EMCN: variants seen among roughly 807,000 people sequenced by gnomAD.
EMCN encodes the protein MUC-14.
EMCN carries 37 observed loss-of-function variants against 38.4 expected under a neutral mutation model. The ratio of observed to expected loss-of-function variants is 0.96; its 90% CI spans 0.74 to 1.27. EMCN has a LOEUF of 1.27. Among genes scored for constraint, EMCN ranks in the 50% most tolerant of loss-of-function variants. EMCN has a pLI of 0.00. For synonymous variants in EMCN, 95 were observed against 100.8 expected, an observed-to-expected ratio of 0.94 and a Z score of 0.35; for missense variants, 318 against 302.8, an observed-to-expected ratio of 1.05 and a Z score of -0.37.
chr4:100,449,297 AG>A (rs763701798), intron 4 of EMCN, among the ~76,000 whole-genome samples: 16 of 152,134 alleles, frequency 1.1e-4, no homozygotes, highest in African/African-American at 3.6e-4. Context: ...GATACCTATA[AG>A]GGAAATATTG....
intron 1 of EMCN, among the ~76,000 whole-genome samples, chr4:100,500,488 A>T (rs1729322288): frequency 1.3e-5 from 2 of 152,128 alleles, no homozygotes; most frequent in African/African-American, 4.8e-5. Context: ...TCTCCTTGGG[A>T]CTGTAAACGT....
intron 5 of EMCN, among the ~76,000 whole-genome samples, chr4:100,424,973 C>T (rs1269279019): frequency 6.6e-6 from 1 of 151,994 alleles, no homozygotes; most frequent in East Asian, 1.9e-4. Context: ...AACTTCCCTG[C>T]TTAAAACGTG....
chr4:100,469,358 G>C (rs357659), intron 3 of EMCN, among the ~76,000 whole-genome samples: 124,358 of 152,012 alleles, frequency 0.82, 52,262 homozygotes, highest in South Asian at 0.96. Context: ...AAAGCTCAGG[G>C]TATGGCCTCA....
intron 10 of EMCN, among the ~76,000 whole-genome samples, chr4:100,411,897 T>C (rs1453204605): frequency 6.6e-6 from 1 of 152,110 alleles, no homozygotes; most frequent in African/African-American, 2.4e-5. Context: ...CAGAAGAGGA[T>C]TCTATATATG....
At chr4:100,445,442 T>A (rs1727642914) in intron 5 of EMCN, among the ~76,000 whole-genome samples, 1 of 152,122 alleles carries the variant, frequency 6.6e-6, no homozygotes. Context: ...TTCAAGGAAA[T>A]TAAAACTAGC....
intron 11 of EMCN, among the ~76,000 whole-genome samples, chr4:100,402,574 C>A (rs1726286665): frequency 2.0e-5 from 3 of 152,124 alleles, no homozygotes; most frequent in African/African-American, 7.2e-5. Context: ...AGATGTCAAA[C>A]TTGTTTCTTC....
At chr4:100,417,897 G>A (rs1252911709) in intron 8 of EMCN, among the ~76,000 whole-genome samples, 6 of 152,136 alleles carry the variant, frequency 3.9e-5, no homozygotes, top group Admixed American at 3.3e-4. Context: ...TGCTCCTTTG[G>A]TCTGGTTTTA....
intron 7 of EMCN, among the ~76,000 whole-genome samples, chr4:100,422,521 T>C (rs1726916496): frequency 6.6e-6 from 1 of 152,046 alleles, no homozygotes; most frequent in African/African-American, 2.4e-5. Context: ...AAATGGAACA[T>C]TTCTTAAAGG....
intron 1 of EMCN, among the ~76,000 whole-genome samples, chr4:100,500,071 C>G (rs1729307914): frequency 6.6e-6 from 1 of 151,958 alleles, no homozygotes; most frequent in Non-Finnish European, 1.5e-5. Flanking sequence ...AAATAGTGTA[C>G]AAAGAATAAT....
chr4:100,511,926 C>A (rs1490590248), intron 1 of EMCN, among the ~76,000 whole-genome samples: 1 of 152,164 alleles, frequency 6.6e-6, no homozygotes, highest in Non-Finnish European at 1.5e-5. Context: ...TTCAGTGACT[C>A]CATTCCCTCT....
intron 5 of EMCN, among the ~76,000 whole-genome samples, chr4:100,425,001 A>G (rs919105663): frequency 6.6e-6 from 1 of 152,092 alleles, no homozygotes; most frequent in Non-Finnish European, 1.5e-5. Flanking sequence ...CCCAGTGCCA[A>G]TGGTTATTGC....
intron 11 of EMCN, among the ~76,000 whole-genome samples, chr4:100,404,095 T>C (rs902755781): frequency 1.4e-4 from 21 of 152,082 alleles, no homozygotes; most frequent in Admixed American, 1.2e-3. Context: ...TTAGTTTTTG[T>C]TTTTGTTGCA....
At chr4:100,452,059 G>A (rs1727852978) in intron 4 of EMCN, among the ~76,000 whole-genome samples, 1 of 151,838 alleles carries the variant, frequency 6.6e-6, no homozygotes, top group Non-Finnish European at 1.5e-5. Flanking sequence ...TAACCAATAA[G>A]CTAACTTACT....
intron 1 of EMCN, among the ~76,000 whole-genome samples, chr4:100,517,597 A>G (rs182599153): frequency 6.6e-5 from 10 of 152,178 alleles, no homozygotes; most frequent in Admixed American, 1.3e-4. Context: ...GCCATTGTAT[A>G]TTTCCAGTAC....
Position 100,406,039 on chromosome 4 carries a change from TTTTG to T in EMCN, c.*39+4239_*39+4242del, listed in dbSNP as rs1037364316. 1.1e-4 allele frequency among the ~76,000 whole-genome samples: 16 copies of T among 152,158 alleles called. No individual in the cohort carries two copies. In the East Asian group the frequency reaches 2.1e-3, roughly 20 times the overall value. ...AGATGTTTGTAATAGTCTCTGGATT[TTTTG>T]TTTGTTTGTTTGTTTTTGTATTTCT... On this transcript the variant is annotated intron_variant, in intron 11 of 11. Transcript: ENST00000296420.
At chr4:100,446,519 T>A (rs12506135) in intron 5 of EMCN, among the ~76,000 whole-genome samples, 64,210 of 151,858 alleles carry the variant, frequency 0.42, 14,419 homozygotes, top group East Asian at 0.77. Flanking sequence ...AATTTTTTTA[T>A]TTTTCTAATT....
At chr4:100,430,233 T>A (rs972993397) in intron 5 of EMCN, among the ~76,000 whole-genome samples, 2 of 152,116 alleles carry the variant, frequency 1.3e-5, no homozygotes, top group African/African-American at 4.8e-5. Context: ...CCTTGAGAGA[T>A]TCATTTGCCC....
Position 100,423,325 on chromosome 4 carries a change from GGT to G in EMCN, c.493_494del (p.Thr165LeufsTer9), listed in dbSNP as rs1303455114. 4.3e-6 allele frequency: 7 copies of G among 1,611,702 alleles called. No homozygotes were observed. The East Asian group carries it at 1.6e-4, about 36-fold the overall frequency. Reference protein sequence around the residue: ...TSIPVTIPENTSQSQVIGTEG... With the variant: ...TSIPVTIPENXSQSQVIGTEG... ...CAGATATCATACCTTGAGACTGTGA[GGT>G]GTTTTCTGGAATTGTAACTGGTATT... is the stretch of plus-strand genomic sequence containing the variant. On this transcript the variant is annotated frameshift_variant, in exon 6 of 12. Transcript: ENST00000296420. LOFTEE classifies it high-confidence loss of function.
Position 100,473,365 on chromosome 4 carries a change from G to GTTTTTTTTTTTTTTT in EMCN, c.259+1672_259+1673insAAAAAAAAAAAAAAA. The stretch of plus-strand genomic sequence containing the variant: ...TTCTAATGGGCATTTCCCGTTTCGT[G>GTTTTTTTTTTTTTTT]TTTTTTTGTTTTTTTTTTTTGTTTT... On this transcript the variant is annotated intron_variant, in intron 3 of 11. Transcript: ENST00000296420. 5.7e-3 allele frequency among the ~76,000 whole-genome samples: 169 copies of GTTTTTTTTTTTTTTT among 29,844 alleles called. 37 individuals are homozygous for GTTTTTTTTTTTTTTT. The highest frequency in any genetic ancestry group is 0.013 in the South Asian group (6 of 456). 19.6% of individuals were successfully genotyped at this position (29,844 alleles called of 152,430 possible). A position where few individuals can be genotyped will look rare whatever the true frequency, so the allele number is the denominator to read the frequency against.
Sources: allele counts gnomAD v4.1 joint callset (sites outside exome capture counted in the v4.1 genomes callset), GRCh38; gene constraint gnomAD v4.1.1; transcripts MANE v1.5; gene names NCBI Gene and HGNC (gene_info 2026-07-23, HGNC 2026-07-21).